The following ELAVL3 variants were observed in gnomAD, a reference collection of about 807,000 sequenced individuals.
The protein encoded by ELAVL3 is ELAV like RNA binding protein 3.
Under a neutral mutation model 34.2 loss-of-function variants are expected in ELAVL3, and 8 were observed. That is an observed-to-expected ratio of 0.23 (90% confidence interval 0.14 to 0.42). The LOEUF (loss-of-function observed/expected upper bound fraction) is 0.42. Among genes scored for constraint, ELAVL3 ranks in the 10% least tolerant of loss-of-function variants. The probability of loss-of-function intolerance (pLI) is 1.00; values close to 1 mark genes in which losing one functional copy is unlikely to be tolerated. For missense variants in ELAVL3, 273 were observed against 518.8 expected (o/e 0.53, Z 4.60); for synonymous variants, 209 against 222.1 (o/e 0.94, Z 0.53).
chr19:11,454,577 G>A lies in ELAVL3; in HGVS notation c.1053C>T (p.Gly351=), dbSNP rs926361415. 19 of 1,613,956 alleles carry A rather than the reference G, an allele frequency of 1.2e-5. No individual in the cohort carries two copies. The highest frequency in any genetic ancestry group is 1.6e-4 in the Middle Eastern group (1 of 6,082). ...AIASLNGYRL[G]ERVLQVSFKT... Reference sequence around the variant, plus strand: ...TGAAGGAGACCTGCAGCACGCGCTCGCCCAGGCGATAGCCGTTCAGGCTGG... The same window carrying A: ...TGAAGGAGACCTGCAGCACGCGCTCACCCAGGCGATAGCCGTTCAGGCTGG... Residue 351 remains glycine, a synonymous_variant, in exon 7 of 7, where the codon GGC becomes GGT. Transcript: ENST00000359227. The surrounding 1 kb of genome is among the most constrained non-coding windows in gnomAD (Gnocchi z 9.2).
rs879918184 is a variant in ELAVL3 at position 11,458,951 on chromosome 19, CT to C, written c.334-341del. On this transcript the variant is annotated intron_variant, in intron 3 of 6. Transcript: ENST00000359227. This position sits in a 1 kb window ranked among gnomAD's most constrained non-coding sequence, Gnocchi z 7.3. ...TGACAGTCCATCAACAAACATTGAC[CT>C]TTTTTTTTTTTTAAAGACAGGATCT... 3.6e-3 allele frequency among the ~76,000 whole-genome samples: 501 copies of C among 137,748 alleles called. No individual in the cohort carries two copies. The highest frequency in any genetic ancestry group is 8.8e-3 in the South Asian group (39 of 4,418). 90.4% of individuals were successfully genotyped at this position (137,748 alleles called of 152,430 possible).
rs1434993506 is a variant in ELAVL3, at chr19:11,466,790, C to T, written c.47G>A (p.Gly16Asp). ...GTTGGGCAGGGCCGGGCCGGCCGGG[C>T]CCCCCCCCACCTGAGACTCCATGGC... ...LGAMESQVGG[G>D]PAGPALPNGP... Residue 16 changes from glycine to aspartate, a missense_variant, in exon 2 of 7, where the codon GGC (glycine) becomes GAC (aspartate). Around this residue, in one of 4 missense-constraint regions of ELAVL3, gnomAD observed 40 missense variants for 40.8 expected, o/e 0.98. Transcript: ENST00000359227. This position sits in a 1 kb window ranked among gnomAD's most constrained non-coding sequence, Gnocchi z 5.0. The T allele has an allele frequency of 1.9e-6, 3 of 1,589,110 alleles. No homozygotes were observed. Among genetic ancestry groups the T allele is most frequent in the Non-Finnish European group, 8.6e-7 (1 of 1,165,358 alleles).
chr19:11,475,851 A>G (rs112113003), intron 1 of ELAVL3, among the ~76,000 whole-genome samples: 21,974 of 151,966 alleles, frequency 0.14, 3,263 homozygotes, highest in African/African-American at 0.38. Flanking sequence ...CTGACCTCAG[A>G]TGACCTGCCT....
In ELAVL3 at chr19:11,480,518, G is replaced by A; in HGVS notation, c.9+82C>T. 4 of 544,108 alleles carry A rather than the reference G, an allele frequency of 7.4e-6. No individual in the cohort carries two copies. The highest frequency in any genetic ancestry group is 2.7e-5 in the South Asian group (1 of 37,282). 33.7% of individuals were successfully genotyped at this position (544,108 alleles called of 1,614,324 possible). ...AGCTAGGCCTGGTCCTACCCCCCCC[G>A]CCGCACCCGCCCAATCTCCGCGGAG... On this transcript the variant is annotated intron_variant, in intron 1 of 6. Transcript: ENST00000359227. The surrounding 1 kb of genome is among the most constrained non-coding windows in gnomAD (Gnocchi z 6.8).
At chr19:11,474,363 G>A (rs572951639) in intron 1 of ELAVL3, among the ~76,000 whole-genome samples, 1 of 152,206 alleles carries the variant, frequency 6.6e-6, no homozygotes. Flanking sequence ...TTGGGAGGCC[G>A]AGGCAGGCAG....
At chr19:11,459,162 C>T (rs1032791586) in intron 3 of ELAVL3, among the ~76,000 whole-genome samples, 21 of 138,442 alleles carry the variant, frequency 1.5e-4, no homozygotes, top group Non-Finnish European at 3.1e-5. Flanking sequence ...GTTGCTCTGT[C>T]GCCAGGCTGG....
intron 6 of ELAVL3, 31 bp downstream of exon 6, chr19:11,457,079 G>C: frequency 6.7e-7 from 1 of 1,490,388 alleles, no homozygotes; most frequent in Admixed American, 2.7e-5. Flanking sequence ...GATGGTGAGG[G>C]GTGGGGACAG....
intron 1 of ELAVL3, among the ~76,000 whole-genome samples, chr19:11,472,273 G>A (rs1465733669): frequency 6.6e-6 from 1 of 152,190 alleles, no homozygotes; most frequent in Non-Finnish European, 1.5e-5. Context: ...TTGAACCCAG[G>A]AGGCGGAGGT....
At chr19:11,463,139 G>A (rs993072724) in intron 3 of ELAVL3, among the ~76,000 whole-genome samples, 2 of 152,220 alleles carry the variant, frequency 1.3e-5, no homozygotes, top group South Asian at 2.1e-4. Context: ...GTCCAACACC[G>A]TCTGAGACAC....
rs557972008 is a variant in ELAVL3 at position 11,480,381 on chromosome 19, C to T, written c.9+219G>A. On this transcript the variant is annotated intron_variant, in intron 1 of 6. Coordinates refer to ENST00000359227, the MANE Select transcript of ELAVL3 (RefSeq NM_001420.4). This position sits in a 1 kb window ranked among gnomAD's most constrained non-coding sequence, Gnocchi z 6.8. Reference sequence around the variant, plus strand: ...CGTCGGACGCCTCCCGAATCGCAGTCAGTCTCCCTAAGGCCCTCTCAGACC... The same window carrying T: ...CGTCGGACGCCTCCCGAATCGCAGTTAGTCTCCCTAAGGCCCTCTCAGACC... 1.4e-3 allele frequency: 636 copies of T among 444,398 alleles called. 1 individual carries two copies. Among genetic ancestry groups the T allele is most frequent in the African/African-American group, 0.011 (555 of 49,326 alleles). 27.5% of individuals were successfully genotyped at this position (444,398 alleles called of 1,614,324 possible).
chr19:11,477,997 T>C (rs1971294840), intron 1 of ELAVL3, among the ~76,000 whole-genome samples: 1 of 152,172 alleles, frequency 6.6e-6, no homozygotes, highest in African/African-American at 2.4e-5. Context: ...ATCCTATTTT[T>C]GAACTCCACT....
At chr19:11,462,442 C>T (rs1161028605) in intron 3 of ELAVL3, among the ~76,000 whole-genome samples, 3 of 146,744 alleles carry the variant, frequency 2.0e-5, no homozygotes, top group East Asian at 4.2e-4. Context: ...TAGGAGACCA[C>T]CCTGGCCAAC....
rs561623427 is a variant in ELAVL3 at position 11,469,569 on chromosome 19, C to T, written c.10-2742G>A. ...TGCTGGGATTACAGGCGTGAGCCAC[C>T]GTGCCCAGCCGTTAATTGATTTTCT... is the stretch of plus-strand genomic sequence containing the variant. On this transcript the variant is annotated intron_variant, in intron 1 of 6. Coordinates refer to ENST00000359227, the MANE Select transcript of ELAVL3 (RefSeq NM_001420.4). Among the ~76,000 whole-genome samples, 9 of 152,262 alleles carry T rather than the reference C, an allele frequency of 5.9e-5. No homozygotes were observed. In the South Asian group the frequency reaches 1.2e-3, roughly 21 times the overall value.
Position 11,452,553 on chromosome 19 carries a change from T to G in ELAVL3, c.*1973A>C, listed in dbSNP as rs1970673009. The G allele has an allele frequency of 6.6e-6, 1 of 151,756 alleles. No homozygotes were observed. The highest frequency in any genetic ancestry group is 1.5e-5 in the Non-Finnish European group (1 of 67,966). 9.4% of individuals were successfully genotyped at this position (151,756 alleles called of 1,614,324 possible). On this transcript the variant is annotated 3_prime_UTR_variant, in exon 7 of 7. Coordinates refer to ENST00000359227, the MANE Select transcript of ELAVL3 (RefSeq NM_001420.4). ...TGTTGCTTTTTTTTCCTCTTCTGTTTGTGTTTTTTTGTCGCTTTTTTGATT... is the reference window on the plus strand; with the variant it reads ...TGTTGCTTTTTTTTCCTCTTCTGTTGGTGTTTTTTTGTCGCTTTTTTGATT...
In ELAVL3 at chr19:11,466,462, A is replaced by T. The variant is rs933235668; in HGVS notation, c.229+146T>A. On this transcript the variant is annotated intron_variant, in intron 2 of 6. Coordinates refer to ENST00000359227, the MANE Select transcript of ELAVL3 (RefSeq NM_001420.4). The surrounding 1 kb of genome is among the most constrained non-coding windows in gnomAD (Gnocchi z 5.0). ...AGACCTTCACCTAGGGGGTATACCC[A>T]TCTCCCCATCAGACCTCACATCCCT... is the stretch of plus-strand genomic sequence containing the variant. 25 of 1,031,036 alleles carry T rather than the reference A, an allele frequency of 2.4e-5. No individual in the cohort carries two copies. In the South Asian group the frequency reaches 3.5e-4, roughly 15 times the overall value. The allele number at this position is 1,031,036 out of a possible 1,614,324, so 63.9% of individuals were successfully genotyped here.
chr19:11,478,761 A>G (rs777919363), intron 1 of ELAVL3, among the ~76,000 whole-genome samples: 17 of 151,860 alleles, frequency 1.1e-4, no homozygotes, highest in Non-Finnish European at 1.9e-4. Context: ...TGCAGTGAAC[A>G]CACCTGAGGC....
intron 1 of ELAVL3, among the ~76,000 whole-genome samples, chr19:11,478,321 A>C (rs1438080732): frequency 6.6e-6 from 1 of 152,030 alleles, no homozygotes; most frequent in Non-Finnish European, 1.5e-5. Flanking sequence ...TCTCCCTCCC[A>C]TTTGTGCCAG....
At chr19:11,461,494 T>G (rs1970884739) in intron 3 of ELAVL3, among the ~76,000 whole-genome samples, 1 of 135,698 alleles carries the variant, frequency 7.4e-6, no homozygotes, top group Admixed American at 7.4e-5. Context: ...CTTCCTTCCT[T>G]CATTCCTTCC....
intron 1 of ELAVL3, among the ~76,000 whole-genome samples, chr19:11,473,900 C>T (rs182538487): frequency 9.4e-4 from 143 of 152,254 alleles, no homozygotes; most frequent in Non-Finnish European, 1.6e-3. Context: ...GTCACACTGG[C>T]CTGGGGTAGT....
Sources: allele counts gnomAD v4.1 joint callset (sites outside exome capture counted in the v4.1 genomes callset), GRCh38; gene constraint gnomAD v4.1.1; regional missense constraint gnomAD v4.1.1; non-coding constraint Gnocchi (gnomAD v3.1); transcripts MANE v1.5; gene names NCBI Gene and HGNC (gene_info 2026-07-23, HGNC 2026-07-21).